MAML2: variants seen among roughly 807,000 people sequenced by gnomAD.
MAML2 encodes mastermind-like protein 2.
Under a neutral mutation model 96.1 loss-of-function variants are expected in MAML2, and 22 were observed. That is an observed-to-expected ratio of 0.23 (90% CI 0.16 to 0.33). The LOEUF (loss-of-function observed/expected upper bound fraction) is 0.33. MAML2 is among the 10% of genes least tolerant of loss of function. The pLI, the probability that MAML2 is intolerant of heterozygous loss-of-function variation, is 1.00. For synonymous variants in MAML2, 561 were observed against 521.3 expected, an observed-to-expected ratio of 1.08 and a Z score of -1.04; for missense variants, 1,367 against 1,392.4, an observed-to-expected ratio of 0.98 and a Z score of 0.29.
chr11:96,191,409 G>C (rs1321089370), intron 1 of MAML2, among the ~76,000 whole-genome samples: 1 of 150,842 alleles, frequency 6.6e-6, no homozygotes, highest in Non-Finnish European at 1.5e-5. Flanking sequence ...GCTTGCAAGT[G>C]AGCCGAGACC....
intron 3 of MAML2, among the ~76,000 whole-genome samples, chr11:95,990,379 T>C (rs1037578442): frequency 6.6e-6 from 1 of 152,140 alleles, no homozygotes; most frequent in Non-Finnish European, 1.5e-5. Flanking sequence ...ACTCAATACC[T>C]TGGCAGGCAT....
chr11:96,002,709 TAAGGAGGACGATG>T, intron 2 of MAML2, among the ~76,000 whole-genome samples: 1 of 7,612 alleles, frequency 1.3e-4, no homozygotes, highest in East Asian at 3.8e-3. Context: ...ATGGGGATGA[TAAGGAGGACGATG>T]GGGGATGATA....
intron 2 of MAML2, among the ~76,000 whole-genome samples, chr11:96,037,205 C>CAA (rs1365940764): frequency 5.3e-5 from 8 of 150,984 alleles, no homozygotes; most frequent in African/African-American, 1.9e-4. Flanking sequence ...ACAACAACAA[C>CAA]AAAAAAAATA....
intron 2 of MAML2, among the ~76,000 whole-genome samples, chr11:96,040,860 C>T (rs1278204818): frequency 6.6e-6 from 1 of 152,192 alleles, no homozygotes; most frequent in Non-Finnish European, 1.5e-5. Context: ...AATAGCAAAG[C>T]TCAGTGCTGA....
rs1162373953 is a variant in MAML2 at position 96,101,664 on chromosome 11, A to G, written c.514-8147T>C. Among the ~76,000 whole-genome samples, 3 of 152,230 alleles carry G rather than the reference A, an allele frequency of 2.0e-5. No homozygotes were observed. In the East Asian group the frequency reaches 5.8e-4, roughly 29 times the overall value. On this transcript the variant is annotated intron_variant, in intron 1 of 4. Coordinates refer to ENST00000524717, the MANE Select transcript of MAML2 (RefSeq NM_032427.4). ...AACACACATGTAAAGCACCAGCATT[A>G]TTCCAAGCTCAAAGCAGAGCTCCAT...
At chr11:96,002,501 T>C (rs188328528) in intron 2 of MAML2, among the ~76,000 whole-genome samples, 15 of 152,126 alleles carry the variant, frequency 9.9e-5, no homozygotes, top group African/African-American at 2.9e-4. Flanking sequence ...ATGATGGAGA[T>C]CATGATGACA....
chr11:96,237,733 C>T (rs755806861), intron 1 of MAML2, among the ~76,000 whole-genome samples: 1 of 152,168 alleles, frequency 6.6e-6, no homozygotes, highest in Admixed American at 6.5e-5. Flanking sequence ...ACAACACATT[C>T]GGAAAACTAC....
intron 2 of MAML2, among the ~76,000 whole-genome samples, chr11:96,090,636 A>T (rs1013910634): frequency 1.3e-5 from 2 of 152,228 alleles, no homozygotes; most frequent in African/African-American, 4.8e-5. Context: ...ATATGTGTGT[A>T]TATATATGTC....
intron 1 of MAML2, among the ~76,000 whole-genome samples, chr11:96,181,930 T>C (rs1861493018): frequency 1.3e-5 from 2 of 152,244 alleles, no homozygotes; most frequent in African/African-American, 4.8e-5. Context: ...TTCCCTTTTA[T>C]TGTAAATTTC....
chr11:96,032,605 AAG>A (rs1554998617), intron 2 of MAML2, among the ~76,000 whole-genome samples: 1 of 151,834 alleles, frequency 6.6e-6, no homozygotes, highest in African/African-American at 2.4e-5. Context: ...AAAAAAAAAA[AAG>A]TTATGTTTCC....
chr11:96,262,080 G>A (rs900437578), intron 1 of MAML2, among the ~76,000 whole-genome samples: 1 of 152,144 alleles, frequency 6.6e-6, no homozygotes, highest in Admixed American at 6.5e-5. Flanking sequence ...CTGAACTTGA[G>A]TATTTGAGGA....
In MAML2 at chr11:96,173,263, C is replaced by T. The variant is rs12283765; in HGVS notation, c.514-79746G>A. Among the ~76,000 whole-genome samples the T allele has an allele frequency of 6.2e-3, 942 of 152,282 alleles. 12 individuals are homozygous for T. The highest frequency in any genetic ancestry group is 0.021 in the African/African-American group (892 of 41,544). ...GCCTCAAATGTAGAGTATATTTTTTCTCTTTCTACCATGACAGGAAGCAAG... is the reference window on the plus strand; with the variant it reads ...GCCTCAAATGTAGAGTATATTTTTTTTCTTTCTACCATGACAGGAAGCAAG... On this transcript the variant is annotated intron_variant, in intron 1 of 4. Coordinates refer to ENST00000524717, the MANE Select transcript of MAML2 (RefSeq NM_032427.4).
chr11:96,085,786 T>C (rs542871699), intron 2 of MAML2, among the ~76,000 whole-genome samples: 1 of 149,482 alleles, frequency 6.7e-6, no homozygotes, highest in South Asian at 2.1e-4. Context: ...TTGAACCGTA[T>C]GTATTATGAT....
intron 1 of MAML2, among the ~76,000 whole-genome samples, chr11:96,094,361 A>G (rs1859789046): frequency 6.6e-6 from 1 of 152,198 alleles, no homozygotes; most frequent in Admixed American, 6.5e-5. Context: ...CTGAGCCTCA[A>G]TTTTCTCATC....
intron 1 of MAML2, among the ~76,000 whole-genome samples, chr11:96,252,425 C>CTTT (rs35604635): frequency 0.021 from 2,612 of 122,528 alleles, 111 homozygotes; most frequent in Admixed American, 0.045. Flanking sequence ...TTGACTAACT[C>CTTT]TTTTTTTTTT....
At chr11:96,247,099 G>C (rs1394549804) in intron 1 of MAML2, among the ~76,000 whole-genome samples, 4 of 152,088 alleles carry the variant, frequency 2.6e-5, no homozygotes, top group Non-Finnish European at 4.4e-5. Context: ...GGCAGCTTCA[G>C]GTTACAAGCA....
chr11:96,153,454 T>A (rs1470109368), intron 1 of MAML2, among the ~76,000 whole-genome samples: 3 of 152,202 alleles, frequency 2.0e-5, no homozygotes, highest in Non-Finnish European at 4.4e-5. Flanking sequence ...TATTTTGGTA[T>A]TTTGATCATC....
chr11:96,310,750 TC>T (rs781589203), intron 1 of MAML2, among the ~76,000 whole-genome samples: 24 of 152,188 alleles, frequency 1.6e-4, no homozygotes, highest in Non-Finnish European at 2.9e-4. Context: ...AGCCTCAGTC[TC>T]CCCAGGTGTA....
chr11:96,136,525 T>C (rs1860635947), intron 1 of MAML2, among the ~76,000 whole-genome samples: 20 of 152,164 alleles, frequency 1.3e-4, no homozygotes, highest in Admixed American at 1.3e-3. Context: ...CATAGTTACT[T>C]AGAGCCTTAA....
Sources: gnomAD v4.1 joint callset for allele counts (sites outside exome capture counted in the v4.1 genomes callset) on GRCh38, gnomAD v4.1.1 for gene constraint, MANE v1.5 for transcripts, NCBI Gene and HGNC (gene_info 2026-07-23, HGNC 2026-07-21) for gene names.